ACTR3C: variants seen among roughly 807,000 people sequenced by gnomAD.
The protein encoded by ACTR3C is actin-related protein 3C.
ACTR3C carries 18 observed loss-of-function variants against 26.3 expected under a neutral mutation model. That is an observed-to-expected ratio of 0.68 (90% CI 0.47 to 1.01). The LOEUF is 1.01. Ranked by LOEUF, ACTR3C falls within the 50% of genes least tolerant of loss-of-function variation. The pLI, the probability that ACTR3C is intolerant of heterozygous loss-of-function variation, is 0.00. For synonymous variants in ACTR3C, 55 were observed against 94.5 expected, an observed-to-expected ratio of 0.58 and a Z score of 2.42; for missense variants, 184 against 250.7, an observed-to-expected ratio of 0.73 and a Z score of 1.80.
chr7:150,023,270 T>TCTCC, the ACTR3C span, among the ~76,000 whole-genome samples: 1 of 141,528 alleles, frequency 7.1e-6, no homozygotes. Context: ...TATATATCTC[T>TCTCC]ATATGTATAT....
the ACTR3C span, among the ~76,000 whole-genome samples, chr7:149,886,504 T>C: frequency 6.6e-6 from 1 of 151,736 alleles, no homozygotes; most frequent in African/African-American, 2.4e-5. Context: ...AAGCAGAGTA[T>C]TGAGAGGGAC....
chr7:149,956,140 G>C, the ACTR3C span, among the ~76,000 whole-genome samples: 12 of 152,112 alleles, frequency 7.9e-5, no homozygotes, highest in African/African-American at 2.9e-4. Flanking sequence ...TTAGAAATGA[G>C]GCTTTTCTTA....
the ACTR3C span, among the ~76,000 whole-genome samples, chr7:150,031,208 G>C: frequency 2.0e-5 from 3 of 150,880 alleles, no homozygotes; most frequent in South Asian, 2.1e-4. Context: ...AGTGAGCTGA[G>C]ATTGTATCAC....
chr7:150,031,987 A>T, the ACTR3C span, among the ~76,000 whole-genome samples: 1 of 152,130 alleles, frequency 6.6e-6, no homozygotes, highest in Non-Finnish European at 1.5e-5. Context: ...GGGCCCTCTA[A>T]GAGTGATGGG....
the ACTR3C span, among the ~76,000 whole-genome samples, chr7:149,954,360 T>G: frequency 6.6e-6 from 1 of 152,210 alleles, no homozygotes; most frequent in Non-Finnish European, 1.5e-5. Context: ...AATAAATGGT[T>G]TGATACTTTG....
At chr7:149,984,458 C>A in the ACTR3C span, among the ~76,000 whole-genome samples, 4 of 151,746 alleles carry the variant, frequency 2.6e-5, no homozygotes, top group Non-Finnish European at 5.9e-5. Context: ...CCCGCCTCAG[C>A]CTCCCAAAAT....
intron 1 of ACTR3C, among the ~76,000 whole-genome samples, chr7:150,303,402 C>A (rs1409632781): frequency 2.0e-5 from 3 of 152,210 alleles, no homozygotes; most frequent in Admixed American, 1.3e-4. Flanking sequence ...CATATCAGCA[C>A]TGGACTCTAC....
intron 6 of ACTR3C, among the ~76,000 whole-genome samples, chr7:150,282,206 C>T (rs1414851149): frequency 1.4e-5 from 2 of 141,520 alleles, no homozygotes; most frequent in Non-Finnish European, 3.0e-5. Context: ...GGTGGAATGG[C>T]GCACCAGCTG....
chr7:150,160,464 C>T, the ACTR3C span, among the ~76,000 whole-genome samples: 1 of 152,162 alleles, frequency 6.6e-6, no homozygotes, highest in Non-Finnish European at 1.5e-5. Context: ...ATGGGCATTC[C>T]TAAAGGACCA....
At chr7:150,065,377 C>T in the ACTR3C span, among the ~76,000 whole-genome samples, 177 of 152,288 alleles carry the variant, frequency 1.2e-3, no homozygotes, top group Non-Finnish European at 2.1e-3. Flanking sequence ...TAGAGTGTAA[C>T]TTATTCGCTT....
At chr7:150,095,928 G>C in the ACTR3C span, among the ~76,000 whole-genome samples, 1 of 149,622 alleles carries the variant, frequency 6.7e-6, no homozygotes, top group African/African-American at 2.5e-5. Flanking sequence ...ACAGTCCAAA[G>C]CTGACAGACA....
At chr7:150,275,808 A>AT (rs1834825580) in intron 6 of ACTR3C, among the ~76,000 whole-genome samples, 1 of 152,162 alleles carries the variant, frequency 6.6e-6, no homozygotes, top group Non-Finnish European at 1.5e-5. Flanking sequence ...TTGAACATGA[A>AT]TTTTAGATTG....
At chr7:149,925,894 C>G in the ACTR3C span, among the ~76,000 whole-genome samples, 2 of 152,126 alleles carry the variant, frequency 1.3e-5, no homozygotes, top group African/African-American at 4.8e-5. Context: ...AAACCCCCTT[C>G]TCTACTAAAA....
At chr7:149,888,669 G>A in the ACTR3C span, among the ~76,000 whole-genome samples, 1 of 152,160 alleles carries the variant, frequency 6.6e-6, no homozygotes, top group Admixed American at 6.5e-5. Flanking sequence ...GAGGAAGTGG[G>A]GAGAGAGGGC....
chr7:150,136,157 G>A, the ACTR3C span, among the ~76,000 whole-genome samples: 1 of 152,166 alleles, frequency 6.6e-6, no homozygotes, highest in Non-Finnish European at 1.5e-5. Flanking sequence ...CAGGCCTCCT[G>A]GATCCCAGGG....
the ACTR3C span, among the ~76,000 whole-genome samples, chr7:150,113,135 G>A: frequency 2.6e-5 from 4 of 151,836 alleles, no homozygotes; most frequent in South Asian, 2.1e-4. Flanking sequence ...GTCCTCCGAC[G>A]GTGGCTGACC....
chr7:150,012,317 C>CTTTTTTTTTTTTTTTTTTT, the ACTR3C span, among the ~76,000 whole-genome samples: 638 of 131,112 alleles, frequency 4.9e-3, 93 homozygotes, highest in Middle Eastern at 7.9e-3. Flanking sequence ...ATAAATGCAT[C>CTTTTTTTTTTTTTTTTTTT]TTTTTTTTTT....
chr7:149,903,393 A>T, the ACTR3C span, among the ~76,000 whole-genome samples: 1 of 151,876 alleles, frequency 6.6e-6, no homozygotes, highest in Non-Finnish European at 1.5e-5. Flanking sequence ...TTGCCGGATT[A>T]AAAAAAAATC....
intron 6 of ACTR3C, among the ~76,000 whole-genome samples, chr7:150,257,373 C>T (rs1833296041): frequency 1.3e-5 from 2 of 152,202 alleles, no homozygotes. Context: ...CATATGAATG[C>T]ATGGCTGAGG....
Sources: allele counts gnomAD v4.1 joint callset (sites outside exome capture counted in the v4.1 genomes callset), GRCh38; gene constraint gnomAD v4.1.1; transcripts MANE v1.5; gene names NCBI Gene and HGNC (gene_info 2026-07-23, HGNC 2026-07-21).